The following PTPRD variants were observed in gnomAD, a reference collection of about 807,000 sequenced individuals.
PTPRD encodes protein tyrosine phosphatase receptor type D.
A neutral mutation model predicts 214.5 loss-of-function variants in PTPRD; 34 were observed. The observed-to-expected ratio is 0.16, with a 90% CI of 0.12 to 0.21. The LOEUF is 0.21. Ranked by LOEUF, PTPRD falls within the 10% of genes least tolerant of loss-of-function variation. The pLI is 1.00. For synonymous variants in PTPRD, 1,128 were observed against 845.7 expected (o/e 1.33, Z -5.79); for missense variants, 2,545 against 2,398.7 (o/e 1.06, Z -1.27).
At chr9:9,999,198 C>A (rs2096249621) in intron 4 of PTPRD, among the ~76,000 whole-genome samples, 1 of 152,210 alleles carries the variant, frequency 6.6e-6, no homozygotes, top group East Asian at 1.9e-4. Context: ...AAAGGCCCGA[C>A]ACTGTTCTTT....
At chr9:10,410,695 C>T (rs1046082159) in intron 2 of PTPRD, among the ~76,000 whole-genome samples, 1 of 151,674 alleles carries the variant, frequency 6.6e-6, no homozygotes, top group East Asian at 1.9e-4. Context: ...TTGATTCAGA[C>T]AAAGATTTAT....
chr9:10,074,987 G>A (rs968034055), intron 3 of PTPRD, among the ~76,000 whole-genome samples: 1 of 152,120 alleles, frequency 6.6e-6, no homozygotes, highest in African/African-American at 2.4e-5. Flanking sequence ...TAAGTGAGGA[G>A]ATAGGGGAAG....
At chr9:9,076,677 T>C (rs1443768916) in intron 10 of PTPRD, among the ~76,000 whole-genome samples, 1 of 152,098 alleles carries the variant, frequency 6.6e-6, no homozygotes, top group Non-Finnish European at 1.5e-5. Flanking sequence ...TGAATGTACA[T>C]TTTCTTTATC....
chr9:8,992,673 G>C (rs1305180125), intron 11 of PTPRD, among the ~76,000 whole-genome samples: 1 of 152,140 alleles, frequency 6.6e-6, no homozygotes, highest in Non-Finnish European at 1.5e-5. Flanking sequence ...AAAATCTAGT[G>C]ATCTCAAGAG....
At chr9:8,607,629 C>T (rs560749949) in intron 14 of PTPRD, among the ~76,000 whole-genome samples, 7 of 151,744 alleles carry the variant, frequency 4.6e-5, no homozygotes, top group Non-Finnish European at 1.0e-4. Context: ...GGAGACTGAG[C>T]GAGATTCTGT....
At chr9:8,653,916 T>C (rs1159849695) in intron 12 of PTPRD, among the ~76,000 whole-genome samples, 2 of 152,180 alleles carry the variant, frequency 1.3e-5, no homozygotes, top group East Asian at 1.9e-4. Flanking sequence ...GGTGCATCAA[T>C]TGTCCCATCT....
intron 8 of PTPRD, among the ~76,000 whole-genome samples, chr9:9,432,555 T>G (rs753580785): frequency 3.3e-5 from 5 of 152,228 alleles, no homozygotes; most frequent in Non-Finnish European, 5.9e-5. Context: ...TAATTTACTT[T>G]GCAGCTCTCT....
At chr9:10,237,254 A>T (rs1335454436) in intron 3 of PTPRD, among the ~76,000 whole-genome samples, 1 of 151,916 alleles carries the variant, frequency 6.6e-6, no homozygotes, top group Non-Finnish European at 1.5e-5. Flanking sequence ...AAAAGAAAAA[A>T]ATAGTCTCAA....
At chr9:9,277,162 C>G (rs1945967823) in intron 9 of PTPRD, among the ~76,000 whole-genome samples, 1 of 151,266 alleles carries the variant, frequency 6.6e-6, no homozygotes. Context: ...TATAACAATG[C>G]CAGGCTTAAA....
intron 8 of PTPRD, among the ~76,000 whole-genome samples, chr9:9,400,044 T>C (rs2069594485): frequency 6.6e-6 from 1 of 151,454 alleles, no homozygotes; most frequent in African/African-American, 2.4e-5. Context: ...ATCTATATTA[T>C]TTTGACTTTC....
chr9:10,151,164 G>A (rs987302765), intron 3 of PTPRD, among the ~76,000 whole-genome samples: 5 of 145,792 alleles, frequency 3.4e-5, no homozygotes, highest in Admixed American at 2.1e-4. Context: ...GAGTTCAAGC[G>A]ATTCTCCTTT....
intron 7 of PTPRD, among the ~76,000 whole-genome samples, chr9:9,691,225 T>C (rs1219860727): frequency 6.6e-6 from 1 of 151,876 alleles, no homozygotes; most frequent in Non-Finnish European, 1.5e-5. Context: ...TGTGAAAAAA[T>C]ACCAGATCTT....
intron 9 of PTPRD, among the ~76,000 whole-genome samples, chr9:9,252,516 C>T (rs561685272): frequency 6.6e-6 from 1 of 152,000 alleles, no homozygotes. Context: ...GCTTCTTGCT[C>T]TCAGATCCCA....
intron 5 of PTPRD, among the ~76,000 whole-genome samples, chr9:9,872,970 T>C (rs2065888318): frequency 6.6e-6 from 1 of 152,120 alleles, no homozygotes. Flanking sequence ...CAACAATCAA[T>C]GTCTAAGCAC....
chr9:8,461,239 T>C (rs1343242753), intron 32 of PTPRD, among the ~76,000 whole-genome samples: 2 of 152,120 alleles, frequency 1.3e-5, no homozygotes, highest in Admixed American at 6.6e-5. Context: ...GATATGGCTT[T>C]ATAAAATATA....
intron 11 of PTPRD, among the ~76,000 whole-genome samples, chr9:8,803,944 C>G (rs550491129): frequency 6.6e-6 from 1 of 151,396 alleles, no homozygotes; most frequent in African/African-American, 2.4e-5. Context: ...CGTTTGAAGT[C>G]CCTCACTTCT....
At chr9:9,215,995 G>C (rs775414459) in intron 9 of PTPRD, among the ~76,000 whole-genome samples, 1 of 152,112 alleles carries the variant, frequency 6.6e-6, no homozygotes, top group African/African-American at 2.4e-5. Context: ...AGTGTCACCT[G>C]TATAAACATT....
At chr9:9,809,082 A>G (rs9407442) in intron 5 of PTPRD, among the ~76,000 whole-genome samples, 85,943 of 151,296 alleles carry the variant, frequency 0.57, 27,380 homozygotes, top group East Asian at 0.88. Context: ...CTCCGTGCCT[A>G]GCCTGAAGAG....
chr9:10,166,088 T>G (rs2099157348), intron 3 of PTPRD, among the ~76,000 whole-genome samples: 1 of 150,232 alleles, frequency 6.7e-6, no homozygotes, highest in African/African-American at 2.4e-5. Flanking sequence ...TATAAATACA[T>G]AAACCTGTGT....
Sources: allele counts gnomAD v4.1 joint callset (sites outside exome capture counted in the v4.1 genomes callset), GRCh38; gene constraint gnomAD v4.1.1; transcripts MANE v1.5; gene names NCBI Gene and HGNC (gene_info 2026-07-23, HGNC 2026-07-21).